LUC7L2: variants seen among roughly 807,000 people sequenced by gnomAD.
LUC7L2 encodes putative RNA-binding protein Luc7-like 2.
In LUC7L2, 25 loss-of-function variants were observed where a neutral mutation model predicts 52.8. That is an observed-to-expected ratio of 0.47 (90% CI 0.34 to 0.66). The LOEUF is 0.66. LUC7L2 is among the 30% of genes least tolerant of loss of function. The pLI is 0.01. For synonymous variants in LUC7L2, 144 were observed against 160.9 expected (o/e 0.89, Z 0.80); for missense variants, 328 against 497.8 (o/e 0.66, Z 3.25).
Position 139,402,218 on chromosome 7 carries a change from G to C in LUC7L2, c.337G>C (p.Glu113Gln), listed in dbSNP as rs1794945716. 1.9e-6 allele frequency: 3 copies of C among 1,610,072 alleles called. No homozygotes were observed. Among genetic ancestry groups the C allele is most frequent in the Non-Finnish European group, 2.5e-6 (3 of 1,178,556 alleles). ...VAKKRLAETQ[E>Q]EISAEVAAKA... is the part of the protein sequence containing the mutation. ...CAAGAAAAGATTAGCAGAAACTCAA[G>C]AAGAGATTAGTGCTGAAGTAGCAGC... The change falls in exon 4 of 10, where the codon GAA becomes CAA. Residue 113 changes from glutamate to glutamine, a missense_variant. Coordinates refer to ENST00000354926, the MANE Select transcript of LUC7L2 (RefSeq NM_016019.5).
intron 1 of LUC7L2, among the ~76,000 whole-genome samples, chr7:139,347,713 C>CTTTTT (rs1446124561): frequency 6.6e-6 from 1 of 151,796 alleles, no homozygotes; most frequent in African/African-American, 2.4e-5. Flanking sequence ...TTTAACATAC[C>CTTTTT]TTTTTTGTTT....
chr7:139,380,464 G>C (rs1295649970), intron 2 of LUC7L2, among the ~76,000 whole-genome samples: 1 of 151,946 alleles, frequency 6.6e-6, no homozygotes, highest in African/African-American at 2.4e-5. Context: ...GCCGGGCATG[G>C]TGGCAGGTGC....
At chr7:139,356,191 T>A (rs1799598534), upstream of LUC7L2, among the ~76,000 whole-genome samples, 1 of 151,590 alleles carries the variant, frequency 6.6e-6, no homozygotes, top group Non-Finnish European at 1.5e-5. Context: ...ATACCTGCAG[T>A]CCCAGCTACT....
At chr7:139,393,993 G>A (rs1297832479) in intron 2 of LUC7L2, among the ~76,000 whole-genome samples, 1 of 152,136 alleles carries the variant, frequency 6.6e-6, no homozygotes, top group Non-Finnish European at 1.5e-5. Context: ...ACTATGATGA[G>A]TCAGGCTAGG....
intron 4 of LUC7L2, among the ~76,000 whole-genome samples, chr7:139,404,990 G>A (rs201923839): frequency 3.3e-5 from 5 of 152,194 alleles, no homozygotes; most frequent in African/African-American, 1.2e-4. Context: ...TATTTGCTGA[G>A]CACTAGAGAT....
chr7:139,390,064 G>A (rs1794366450), intron 2 of LUC7L2, among the ~76,000 whole-genome samples: 1 of 152,114 alleles, frequency 6.6e-6, no homozygotes, highest in Non-Finnish European at 1.5e-5. Context: ...AAAGTGGGAA[G>A]ATCACTTAAG....
At chr7:139,358,226 C>T (rs1351653483), upstream of LUC7L2, among the ~76,000 whole-genome samples, 1 of 151,678 alleles carries the variant, frequency 6.6e-6, no homozygotes, top group Non-Finnish European at 1.5e-5. Flanking sequence ...AGGCTGGTCT[C>T]GAACTCCTGA....
At chr7:139,374,603 A>G in intron 1 of LUC7L2, 1 of 1,500,636 alleles carries the variant, frequency 6.7e-7, no homozygotes, top group Non-Finnish European at 8.9e-7. Context: ...AATATTCCAA[A>G]TTGTGTCAAA....
Position 139,360,228 on chromosome 7 carries a change from C to G in LUC7L2, c.-34C>G. ...AGCCCAAAAGGGCCCGGTCTGCGCC[C>G]CACCCCCGCCCGTCCGCCCGCTACG... On this transcript the variant is annotated 5_prime_UTR_variant, in exon 1 of 10. Coordinates refer to ENST00000354926, the MANE Select transcript of LUC7L2 (RefSeq NM_016019.5). 2 of 1,531,216 alleles carry G rather than the reference C, an allele frequency of 1.3e-6. No homozygotes were observed. The highest frequency in any genetic ancestry group is 1.2e-5 in the South Asian group (1 of 83,472). The allele number at this position is 1,531,216 out of a possible 1,614,324, so 94.9% of individuals were successfully genotyped here.
At chr7:139,342,809 T>C (rs746711464) in intron 1 of LUC7L2, among the ~76,000 whole-genome samples, 1 of 152,176 alleles carries the variant, frequency 6.6e-6, no homozygotes, top group Non-Finnish European at 1.5e-5. Flanking sequence ...TTGTACCTTA[T>C]GGGGATAACA....
At chr7:139,384,137 T>G (rs1794087104) in intron 2 of LUC7L2, among the ~76,000 whole-genome samples, 1 of 152,154 alleles carries the variant, frequency 6.6e-6, no homozygotes, top group Admixed American at 6.5e-5. Context: ...TTAACTCTTT[T>G]CCCATAAATG....
At chr7:139,353,589 C>A (rs1188207428) in intron 1 of LUC7L2, among the ~76,000 whole-genome samples, 4 of 151,898 alleles carry the variant, frequency 2.6e-5, no homozygotes, top group African/African-American at 9.7e-5. Flanking sequence ...ATCACGCAGT[C>A]GGAGGCCATC....
At chr7:139,411,955 A>T (rs1307755247) in intron 7 of LUC7L2, among the ~76,000 whole-genome samples, 1 of 152,204 alleles carries the variant, frequency 6.6e-6, no homozygotes, top group Non-Finnish European at 1.5e-5. Flanking sequence ...TGAGCATCCC[A>T]AATCCAAAAA....
At chr7:139,361,797 C>G (rs1194545654) in intron 1 of LUC7L2, among the ~76,000 whole-genome samples, 1 of 152,118 alleles carries the variant, frequency 6.6e-6, no homozygotes, top group African/African-American at 2.4e-5. Context: ...GAACGGGTTT[C>G]ATTGGATCCT....
intron 8 of LUC7L2, chr7:139,416,188 C>G (rs1350245361): frequency 6.6e-6 from 1 of 150,698 alleles, no homozygotes; most frequent in Non-Finnish European, 1.5e-5. Flanking sequence ...TAAAGTGACT[C>G]TTCTAACAAA....
At chr7:139,351,148 G>A (rs1055001425) in intron 1 of LUC7L2, among the ~76,000 whole-genome samples, 2 of 152,108 alleles carry the variant, frequency 1.3e-5, no homozygotes, top group Non-Finnish European at 2.9e-5. Context: ...CAAAATGCTT[G>A]ATAACTCCAG....
Position 139,375,163 on chromosome 7 carries a change from TTAAC to T in LUC7L2, c.62-894_62-891del, listed in dbSNP as rs1027670143. On this transcript the variant is annotated intron_variant, in intron 1 of 9. Coordinates refer to ENST00000354926, the MANE Select transcript of LUC7L2 (RefSeq NM_016019.5). ...CAAAGAGATTCTAAGCAAAAAAATT[TTAAC>T]TAACATCTATATTTTGTTATTGGAG... 8.1e-6 allele frequency: 8 copies of T among 982,904 alleles called. No individual in the cohort carries two copies. In the Admixed American group the frequency reaches 3.1e-4, roughly 38 times the overall value. The allele number at this position is 982,904 out of a possible 1,614,324, so 60.9% of individuals were successfully genotyped here. A position where few individuals can be genotyped will look rare whatever the true frequency, so the allele number is the denominator to read the frequency against.
At chr7:139,377,575 G>A (rs1800782118) in intron 2 of LUC7L2, among the ~76,000 whole-genome samples, 1 of 151,982 alleles carries the variant, frequency 6.6e-6, no homozygotes, top group Admixed American at 6.6e-5. Context: ...TGTATTTTTA[G>A]TAGAGATGAA....
intron 2 of LUC7L2, among the ~76,000 whole-genome samples, chr7:139,396,345 T>G (rs185910522): frequency 6.6e-6 from 1 of 151,458 alleles, no homozygotes; most frequent in Non-Finnish European, 1.5e-5. Context: ...GAGGGGTGCT[T>G]AGGTGGGAGG....
Sources: allele counts gnomAD v4.1 joint callset (sites outside exome capture counted in the v4.1 genomes callset), GRCh38; gene constraint gnomAD v4.1.1; transcripts MANE v1.5; gene names NCBI Gene and HGNC (gene_info 2026-07-23, HGNC 2026-07-21).